CTDSPL: variants seen among roughly 807,000 people sequenced by gnomAD.
CTDSPL encodes the protein CTD small phosphatase-like protein.
Under a neutral mutation model 30.5 loss-of-function variants are expected in CTDSPL, and 8 were observed. The ratio of observed to expected loss-of-function variants is 0.26; its 90% CI spans 0.15 to 0.47. The LOEUF is 0.47. CTDSPL is among the 20% of genes least tolerant of loss of function. CTDSPL has a pLI of 0.99. For synonymous variants in CTDSPL, 110 were observed against 137.9 expected (o/e 0.80, Z 1.42); for missense variants, 248 against 366.1 (o/e 0.68, Z 2.63).
At chr3:37,865,155 C>CATATCTTACAG (rs1159743991) in intron 1 of CTDSPL, among the ~76,000 whole-genome samples, 2 of 152,210 alleles carry the variant, frequency 1.3e-5, no homozygotes, top group Non-Finnish European at 2.9e-5. Context: ...ACAGAATGCT[C>CATATCTTACAG]ATATCTTACA....
intron 1 of CTDSPL, among the ~76,000 whole-genome samples, chr3:37,869,963 G>A (rs1387240994): frequency 6.6e-6 from 1 of 152,100 alleles, no homozygotes; most frequent in Non-Finnish European, 1.5e-5. Flanking sequence ...ACCTTACTTG[G>A]TTGTGGTGTA....
In CTDSPL at chr3:37,927,684, G is replaced by GTGTATATATATATA. The variant is rs372845166; in HGVS notation, c.80-19372_80-19371insGTATATATATATAT. ...TGTGTGTGTGTGTGTGTGTGTATGT[G>GTGTATATATATATA]TATATATATATATATATATATAAAA... On this transcript the variant is annotated intron_variant, in intron 1 of 7. Coordinates refer to ENST00000273179, the MANE Select transcript of CTDSPL (RefSeq NM_001008392.2). Among the ~76,000 whole-genome samples the GTGTATATATATATA allele has an allele frequency of 7.2e-4, 85 of 117,770 alleles. 1 individual carries two copies. The highest frequency in any genetic ancestry group is 1.0e-3 in the Admixed American group (12 of 11,476). The allele number at this position is 117,770 out of a possible 152,430, so 77.3% of individuals were successfully genotyped here. A position where few individuals can be genotyped will look rare whatever the true frequency, so the allele number is the denominator to read the frequency against.
intron 7 of CTDSPL, among the ~76,000 whole-genome samples, chr3:37,976,213 T>C (rs1316094169): frequency 6.6e-6 from 1 of 152,168 alleles, no homozygotes; most frequent in Non-Finnish European, 1.5e-5. Flanking sequence ...TATCGTCTTA[T>C]TGACATTTTT....
At chr3:37,941,361 C>T (rs189045931) in intron 1 of CTDSPL, among the ~76,000 whole-genome samples, 4 of 149,934 alleles carry the variant, frequency 2.7e-5, no homozygotes, top group South Asian at 2.2e-4. Context: ...TATCTGTGCC[C>T]ATGGCATCTT....
Position 37,963,812 on chromosome 3 carries a change from A to T in CTDSPL, c.268-759A>T, listed in dbSNP as rs543788534. Among the ~76,000 whole-genome samples, 2 of 152,128 alleles carry T rather than the reference A, an allele frequency of 1.3e-5. 1 individual carries two copies. Among genetic ancestry groups the T allele is most frequent in the Non-Finnish European group, 2.9e-5 (2 of 68,016 alleles). On this transcript the variant is annotated intron_variant, in intron 3 of 7. Transcript: ENST00000273179. ...AGACACATAAATAGATTGTTTGGTC[A>T]ACACACAACATGTGGATTAAAGTAT...
At position 37,945,243 on chromosome 3, in the gene CTDSPL, T is replaced by C. The variant is rs199640119; in HGVS notation, c.80-1814T>C. Among the ~76,000 whole-genome samples the C allele has an allele frequency of 2.5e-3, 379 of 150,594 alleles. 28 individuals are homozygous for C. The highest frequency in any genetic ancestry group is 4.1e-3 in the Non-Finnish European group (277 of 67,126). On this transcript the variant is annotated intron_variant, in intron 1 of 7. Transcript: ENST00000273179. ...ATCATTTATATTAAATACAAGTTTA[T>C]TGCAATGCTTTTCTCTCCCTATTTG...
intron 1 of CTDSPL, among the ~76,000 whole-genome samples, chr3:37,922,853 C>T (rs991327516): frequency 5.9e-5 from 9 of 152,240 alleles, no homozygotes; most frequent in Non-Finnish European, 1.2e-4. Flanking sequence ...TGAGGGCTAC[C>T]TTCAAGGCTG....
rs561915217 is a variant in CTDSPL, at chr3:37,881,736, A to G, written c.79+19458A>G. ...TGAAAACGTGCAAAAAATAGTTTCT[A>G]TATAGTGTATGGATATATATGTGTG... On this transcript the variant is annotated intron_variant, in intron 1 of 7. Transcript: ENST00000273179. Among the ~76,000 whole-genome samples, 7 of 152,292 alleles carry G rather than the reference A, an allele frequency of 4.6e-5. No homozygotes were observed. The East Asian group carries it at 7.7e-4, about 17-fold the overall frequency.
At position 37,981,061 on chromosome 3, in the gene CTDSPL, A is replaced by G; in HGVS notation, c.*194A>G. The G allele has an allele frequency of 2.1e-6, 1 of 485,684 alleles. No individual in the cohort carries two copies. Among genetic ancestry groups the G allele is most frequent in the South Asian group, 7.3e-5 (1 of 13,696 alleles). 30.1% of individuals were successfully genotyped at this position (485,684 alleles called of 1,614,324 possible). On this transcript the variant is annotated 3_prime_UTR_variant, in exon 8 of 8. Transcript: ENST00000273179. ...TATTTTAAAAGAACTCTTTTAAGAAATTTCATAAAGGGACATGCATTTTAC... is the reference window on the plus strand; with the variant it reads ...TATTTTAAAAGAACTCTTTTAAGAAGTTTCATAAAGGGACATGCATTTTAC...
chr3:37,891,210 T>A (rs1027682991), intron 1 of CTDSPL, among the ~76,000 whole-genome samples: 6 of 152,182 alleles, frequency 3.9e-5, no homozygotes, highest in African/African-American at 1.2e-4. Context: ...GAGTGACCTT[T>A]CCATACATCA....
intron 1 of CTDSPL, among the ~76,000 whole-genome samples, chr3:37,875,442 G>T (rs888466942): frequency 6.6e-6 from 1 of 152,210 alleles, no homozygotes; most frequent in East Asian, 1.9e-4. Context: ...CTTAATATTT[G>T]ATGACTGATG....
At position 37,947,074 on chromosome 3, in the gene CTDSPL, A is replaced by T. The variant is rs201170983; in HGVS notation, c.97A>T (p.Ser33Cys). ...AGEKASQCNV[S>C]LKKQRSRSIL... ...GTTTCCAGCCTCCCAGTGCAACGTC[A>T]GCTTAAAGAAGCAGAGGAGCCGCAG... The change falls in exon 2 of 8, where the codon AGC (serine) becomes TGC (cysteine). Residue 33 changes from serine (S) to cysteine (C), a missense_variant. Coordinates refer to ENST00000273179, the MANE Select transcript of CTDSPL (RefSeq NM_001008392.2). 6.2e-7 allele frequency: 1 copy of T among 1,613,760 alleles called. No homozygotes were observed. Among genetic ancestry groups the T allele is most frequent in the Non-Finnish European group, 8.5e-7 (1 of 1,179,846 alleles).
intron 1 of CTDSPL, among the ~76,000 whole-genome samples, chr3:37,903,359 G>A (rs1698474440): frequency 6.6e-6 from 1 of 152,236 alleles, no homozygotes; most frequent in Admixed American, 6.5e-5. Context: ...ATCCATTTGA[G>A]AGGCCTTCTT....
intron 1 of CTDSPL, chr3:37,944,687 T>C (rs1699015342): frequency 1.3e-5 from 2 of 149,984 alleles, no homozygotes; most frequent in Admixed American, 6.7e-5. Context: ...CTCCAAGAGG[T>C]TCCTGCAGGC....
chr3:37,967,530 A>T (rs1436628786), intron 4 of CTDSPL, among the ~76,000 whole-genome samples: 1 of 152,170 alleles, frequency 6.6e-6, no homozygotes. Flanking sequence ...TCTGGGCAAG[A>T]GCTGGAGTTT....
chr3:37,919,400 T>C (rs541225746), intron 1 of CTDSPL, among the ~76,000 whole-genome samples: 1 of 152,284 alleles, frequency 6.6e-6, no homozygotes, highest in East Asian at 1.9e-4. Context: ...AAAACAGTAT[T>C]GGAATTTTGC....
chr3:37,897,403 A>T (rs1195737577), intron 1 of CTDSPL, among the ~76,000 whole-genome samples: 1 of 152,160 alleles, frequency 6.6e-6, no homozygotes, highest in Non-Finnish European at 1.5e-5. Context: ...TTTTTTTCCC[A>T]ATTTAAAATG....
chr3:37,958,784 G>A (rs987276725), intron 3 of CTDSPL, among the ~76,000 whole-genome samples: 2 of 152,174 alleles, frequency 1.3e-5, no homozygotes, highest in Admixed American at 6.5e-5. Flanking sequence ...CTTGCCCAAA[G>A]AAACAGCCAA....
At chr3:37,876,488 T>C (rs757971539) in intron 1 of CTDSPL, among the ~76,000 whole-genome samples, 7 of 152,168 alleles carry the variant, frequency 4.6e-5, no homozygotes, top group Non-Finnish European at 1.0e-4. Context: ...ATATTGTCAG[T>C]TTTTAAATTT....
Sources: allele counts gnomAD v4.1 joint callset (sites outside exome capture counted in the v4.1 genomes callset), GRCh38; gene constraint gnomAD v4.1.1; transcripts MANE v1.5; gene names NCBI Gene and HGNC (gene_info 2026-07-23, HGNC 2026-07-21).